Variants in MPP7 observed in about 807,000 individuals in gnomAD.
The protein encoded by MPP7 is MAGUK p55 subfamily member 7.
A neutral mutation model predicts 76.5 loss-of-function variants in MPP7; 60 were observed. That is an observed-to-expected ratio of 0.78 (90% confidence interval 0.64 to 0.97). The LOEUF is 0.97. MPP7 is among the 50% of genes least tolerant of loss of function. The probability of loss-of-function intolerance (pLI) is 0.00; values close to 1 mark genes in which losing one functional copy is unlikely to be tolerated. For synonymous variants in MPP7, 237 were observed against 244.5 expected, an observed-to-expected ratio of 0.97 and a Z score of 0.29; for missense variants, 641 against 694.0, an observed-to-expected ratio of 0.92 and a Z score of 0.86.
At chr10:28,231,155 G>A (rs1382001009) in intron 2 of MPP7, among the ~76,000 whole-genome samples, 1 of 147,434 alleles carries the variant, frequency 6.8e-6, no homozygotes, top group East Asian at 2.0e-4. Context: ...AAGCAATTAA[G>A]GTAAAAAATC....
intron 3 of MPP7, among the ~76,000 whole-genome samples, chr10:28,196,720 A>G (rs1837594933): frequency 6.6e-6 from 1 of 152,110 alleles, no homozygotes; most frequent in Non-Finnish European, 1.5e-5. Context: ...GGAGAGTTTC[A>G]TATTTCAATG....
chr10:28,174,048 C>T (rs577896972), intron 3 of MPP7, among the ~76,000 whole-genome samples: 1 of 152,160 alleles, frequency 6.6e-6, no homozygotes, highest in Non-Finnish European at 1.5e-5. Context: ...CATTAGTCAT[C>T]TGGGGATCCA....
At chr10:28,280,520 GC>G (rs1050863362) in intron 1 of MPP7, among the ~76,000 whole-genome samples, 3 of 152,038 alleles carry the variant, frequency 2.0e-5, no homozygotes, top group Non-Finnish European at 4.4e-5. Flanking sequence ...ATTCCCTGAT[GC>G]AGAACCCATG....
chr10:28,088,437 G>A (rs548224047), intron 12 of MPP7, among the ~76,000 whole-genome samples: 1 of 152,116 alleles, frequency 6.6e-6, no homozygotes, highest in African/African-American at 2.4e-5. Flanking sequence ...TATGTGGCAC[G>A]TCCCCTGTCG....
At chr10:28,093,312 C>T (rs1287863909) in intron 11 of MPP7, among the ~76,000 whole-genome samples, 1 of 152,128 alleles carries the variant, frequency 6.6e-6, no homozygotes, top group Non-Finnish European at 1.5e-5. Context: ...AACATAAATG[C>T]TTCATCCACA....
intron 11 of MPP7, among the ~76,000 whole-genome samples, chr10:28,094,569 A>G (rs1853474550): frequency 6.6e-6 from 1 of 152,176 alleles, no homozygotes; most frequent in Non-Finnish European, 1.5e-5. Flanking sequence ...CCAACTACTT[A>G]AAAGAACCTT....
chr10:28,160,069 A>G (rs1836206667), intron 3 of MPP7, among the ~76,000 whole-genome samples: 2 of 151,432 alleles, frequency 1.3e-5, no homozygotes, highest in Admixed American at 1.3e-4. Flanking sequence ...GCAACAATAC[A>G]GTTTGTTGTT....
At chr10:28,270,134 G>A (rs1056826235) in intron 1 of MPP7, among the ~76,000 whole-genome samples, 3 of 152,158 alleles carry the variant, frequency 2.0e-5, no homozygotes, top group Non-Finnish European at 2.9e-5. Context: ...AAGATGGCGC[G>A]TTAAAAGAGT....
At chr10:28,301,254 A>C (rs1489739618) in intron 1 of MPP7, among the ~76,000 whole-genome samples, 1 of 152,196 alleles carries the variant, frequency 6.6e-6, no homozygotes, top group African/African-American at 2.4e-5. Context: ...TTCCTTCTGC[A>C]TATCAATTAT....
At chr10:28,223,036 A>G (rs1838569572) in intron 2 of MPP7, among the ~76,000 whole-genome samples, 1 of 151,534 alleles carries the variant, frequency 6.6e-6, no homozygotes, top group African/African-American at 2.4e-5. Flanking sequence ...CAGGAGGCTG[A>G]GGCAGGAGAA....
intron 2 of MPP7, among the ~76,000 whole-genome samples, chr10:28,233,765 G>C (rs1405268434): frequency 6.6e-6 from 1 of 151,022 alleles, no homozygotes; most frequent in African/African-American, 2.4e-5. Flanking sequence ...GGCTGAGTGC[G>C]GTGCCTCATG....
intron 1 of MPP7, among the ~76,000 whole-genome samples, chr10:28,244,172 C>T (rs1164436711): frequency 2.0e-5 from 3 of 152,148 alleles, no homozygotes; most frequent in African/African-American, 7.2e-5. Flanking sequence ...AGTTTGCTGA[C>T]CACTATTCTA....
intron 3 of MPP7, among the ~76,000 whole-genome samples, chr10:28,199,901 C>T (rs574770185): frequency 2.0e-5 from 3 of 151,900 alleles, no homozygotes; most frequent in Non-Finnish European, 4.4e-5. Context: ...CACACACACA[C>T]ACACGATCAC....
rs781050284 is a variant in MPP7 at position 28,187,378 on chromosome 10, G to A, written c.156+14775C>T. Among the ~76,000 whole-genome samples the A allele has an allele frequency of 1.2e-4, 18 of 152,308 alleles. 1 individual carries two copies. The highest frequency in any genetic ancestry group is 2.2e-4 in the Non-Finnish European group (15 of 68,032). ...TGCCTGAAAAAATGTAAACTATAAC[G>A]TAAGAAATAACTTCATCTGGCTTTT... On this transcript the variant is annotated intron_variant, in intron 3 of 16. Transcript: ENST00000683449.
intron 5 of MPP7, among the ~76,000 whole-genome samples, chr10:28,140,224 A>T (rs1217812985): frequency 6.6e-6 from 1 of 152,228 alleles, no homozygotes. Context: ...TAAAGAAAAA[A>T]ATCAGACCAG....
At chr10:28,147,956 G>A (rs1275137178) in intron 4 of MPP7, among the ~76,000 whole-genome samples, 1 of 152,160 alleles carries the variant, frequency 6.6e-6, no homozygotes, top group Non-Finnish European at 1.5e-5. Context: ...TCTGAATGAG[G>A]TGGTGAAATC....
rs543866460 is a variant in MPP7 at position 28,147,400 on chromosome 10, T to C, written c.315+83A>G. ...ATTCAAAATACATTTACTTGAGAAT[T>C]GATGCTCGAAACAAAATTCATCTGA... On this transcript the variant is annotated intron_variant, in intron 5 of 16. Transcript: ENST00000683449. 3.2e-5 allele frequency: 33 copies of C among 1,033,102 alleles called. No homozygotes were observed. The African/African-American group carries it at 3.8e-4, about 12-fold the overall frequency. 64.0% of individuals were successfully genotyped at this position (1,033,102 alleles called of 1,614,324 possible).
intron 3 of MPP7, among the ~76,000 whole-genome samples, chr10:28,177,144 G>A (rs929512108): frequency 4.6e-5 from 7 of 150,988 alleles, no homozygotes; most frequent in East Asian, 1.9e-4. Context: ...CTGGCCGGGC[G>A]CAGTGGCTCA....
chr10:28,068,733 C>T (rs1852091847), intron 13 of MPP7, among the ~76,000 whole-genome samples: 1 of 152,176 alleles, frequency 6.6e-6, no homozygotes, highest in African/African-American at 2.4e-5. Flanking sequence ...TCTCCTTCAG[C>T]TCTCTGTGAT....
Sources: gnomAD v4.1 joint callset for allele counts (sites outside exome capture counted in the v4.1 genomes callset) on GRCh38, gnomAD v4.1.1 for gene constraint, MANE v1.5 for transcripts, NCBI Gene and HGNC (gene_info 2026-07-23, HGNC 2026-07-21) for gene names.